The following GALNTL6 variants were observed in gnomAD, a reference collection of about 807,000 sequenced individuals.
The protein encoded by GALNTL6 is polypeptide N-acetylgalactosaminyltransferase like 6, also known as polypeptide N-acetylgalactosaminyltransferase-like 6.
GALNTL6 carries 46 observed loss-of-function variants against 73.7 expected under a neutral mutation model. The ratio of observed to expected loss-of-function variants is 0.62; its 90% CI spans 0.49 to 0.80. The LOEUF is 0.80. Among genes scored for constraint, GALNTL6 ranks in the 30% least tolerant of loss-of-function variants. The pLI, the probability that GALNTL6 is intolerant of heterozygous loss-of-function variation, is 0.00. For synonymous variants in GALNTL6, 259 were observed against 263.7 expected, an observed-to-expected ratio of 0.98 and a Z score of 0.17; for missense variants, 604 against 755.0, an observed-to-expected ratio of 0.80 and a Z score of 2.34.
chr4:171,960,847 G>A (rs1162356650), intron 2 of GALNTL6, among the ~76,000 whole-genome samples: 1 of 151,922 alleles, frequency 6.6e-6, no homozygotes, highest in African/African-American at 2.4e-5. Flanking sequence ...CATTAAGCTG[G>A]TGGTGTGAAT....
At chr4:172,263,037 C>A (rs1017816184) in intron 3 of GALNTL6, among the ~76,000 whole-genome samples, 2 of 151,370 alleles carry the variant, frequency 1.3e-5, no homozygotes, top group African/African-American at 4.8e-5. Flanking sequence ...TCTTTTGTCT[C>A]ACAGCTCCTA....
At chr4:171,821,345 G>A (rs1734677589) in intron 2 of GALNTL6, among the ~76,000 whole-genome samples, 1 of 152,010 alleles carries the variant, frequency 6.6e-6, no homozygotes, top group Admixed American at 6.6e-5. Context: ...CCAGCCTTGT[G>A]CCCTTATTTC....
At chr4:172,371,407 A>G (rs1365969310) in intron 5 of GALNTL6, among the ~76,000 whole-genome samples, 1 of 152,256 alleles carries the variant, frequency 6.6e-6, no homozygotes, top group Non-Finnish European at 1.5e-5. Flanking sequence ...ACTGACAACA[A>G]GGTGGTATTG....
At chr4:172,226,091 A>G (rs10010828) in intron 2 of GALNTL6, among the ~76,000 whole-genome samples, 58,139 of 152,094 alleles carry the variant, frequency 0.38, 11,283 homozygotes, top group Non-Finnish European at 0.41. Flanking sequence ...CAATCATACT[A>G]TGAAGACTAT....
chr4:172,503,415 A>G (rs1353320934), intron 5 of GALNTL6, among the ~76,000 whole-genome samples: 1 of 151,518 alleles, frequency 6.6e-6, no homozygotes, highest in Non-Finnish European at 1.5e-5. Context: ...CCTATGTTAT[A>G]TTTCTTATGC....
chr4:172,359,460 A>T (rs1435863152), intron 5 of GALNTL6, among the ~76,000 whole-genome samples: 1 of 152,204 alleles, frequency 6.6e-6, no homozygotes, highest in Non-Finnish European at 1.5e-5. Context: ...CTATGACATG[A>T]GTTTACTTAT....
chr4:172,225,808 A>G (rs1736843861), intron 2 of GALNTL6, among the ~76,000 whole-genome samples: 1 of 152,046 alleles, frequency 6.6e-6, no homozygotes, highest in Admixed American at 6.5e-5. Flanking sequence ...AAATAATTAA[A>G]AATAACTAGT....
chr4:172,831,129 G>A (rs1359818083), intron 7 of GALNTL6, among the ~76,000 whole-genome samples: 2 of 120,564 alleles, frequency 1.7e-5, no homozygotes, highest in Admixed American at 2.3e-4. Context: ...CTGCACTCCA[G>A]CCTGGGTGAC....
At chr4:172,699,556 G>T (rs561740114) in intron 5 of GALNTL6, among the ~76,000 whole-genome samples, 1 of 152,046 alleles carries the variant, frequency 6.6e-6, no homozygotes, top group African/African-American at 2.4e-5. Flanking sequence ...AAATAAGTCC[G>T]CAATAAAAAC....
chr4:172,702,816 C>T (rs1028470680), intron 5 of GALNTL6, among the ~76,000 whole-genome samples: 10 of 134,164 alleles, frequency 7.5e-5, no homozygotes, highest in Non-Finnish European at 1.3e-4. Flanking sequence ...AATTTTAAGA[C>T]ACTTTATAGT....
chr4:171,950,754 A>G (rs1738854470), intron 2 of GALNTL6, among the ~76,000 whole-genome samples: 1 of 152,126 alleles, frequency 6.6e-6, no homozygotes, highest in Non-Finnish European at 1.5e-5. Flanking sequence ...CTGGGATTAC[A>G]TGTGTGAGCC....
intron 10 of GALNTL6, among the ~76,000 whole-genome samples, chr4:172,955,607 T>C (rs928222575): frequency 6.6e-6 from 1 of 152,226 alleles, no homozygotes; most frequent in Non-Finnish European, 1.5e-5. Context: ...GCTTTTTATT[T>C]TGGAATAATT....
At chr4:172,634,299 G>A (rs982024723) in intron 5 of GALNTL6, among the ~76,000 whole-genome samples, 7 of 152,164 alleles carry the variant, frequency 4.6e-5, no homozygotes, top group Non-Finnish European at 7.4e-5. Flanking sequence ...AATGAAACAT[G>A]GCTCAAAGAC....
intron 10 of GALNTL6, among the ~76,000 whole-genome samples, chr4:172,999,949 A>G (rs1751971407): frequency 1.3e-5 from 2 of 152,094 alleles, no homozygotes; most frequent in Non-Finnish European, 2.9e-5. Context: ...ACATTTAATG[A>G]TCTTTTTGCC....
At chr4:172,251,765 C>T (rs1406962370) in intron 3 of GALNTL6, among the ~76,000 whole-genome samples, 2 of 152,012 alleles carry the variant, frequency 1.3e-5, no homozygotes, top group Admixed American at 1.3e-4. Flanking sequence ...TAGCCAACAG[C>T]CAGAGAGAGG....
At chr4:172,724,359 C>T (rs958497828) in intron 5 of GALNTL6, among the ~76,000 whole-genome samples, 12 of 152,170 alleles carry the variant, frequency 7.9e-5, no homozygotes, top group African/African-American at 2.7e-4. Context: ...AAACAAGATA[C>T]GCTTTTTCTC....
chr4:172,171,657 C>T (rs559685051), intron 2 of GALNTL6, among the ~76,000 whole-genome samples: 67 of 145,192 alleles, frequency 4.6e-4, no homozygotes, highest in African/African-American at 1.1e-3. Context: ...GGTGAAACTT[C>T]GTCTCTATCA....
At chr4:171,967,712 A>C (rs1456980883) in intron 2 of GALNTL6, among the ~76,000 whole-genome samples, 2 of 152,026 alleles carry the variant, frequency 1.3e-5, no homozygotes. Flanking sequence ...CTAAATTTAT[A>C]CTCATTTCGT....
intron 8 of GALNTL6, among the ~76,000 whole-genome samples, chr4:172,928,176 A>C (rs1370978120): frequency 6.6e-6 from 1 of 152,228 alleles, no homozygotes; most frequent in Non-Finnish European, 1.5e-5. Flanking sequence ...AAGATACCAT[A>C]TGACCTACAA....
Sources: gnomAD v4.1 joint callset for allele counts (sites outside exome capture counted in the v4.1 genomes callset) on GRCh38, gnomAD v4.1.1 for gene constraint, MANE v1.5 for transcripts, NCBI Gene and HGNC (gene_info 2026-07-23, HGNC 2026-07-21) for gene names.